The following SYNE1 variants were observed in gnomAD, a reference collection of about 807,000 sequenced individuals.
SYNE1 encodes the protein spectrin repeat containing nuclear envelope protein 1.
In SYNE1, 616 loss-of-function variants were observed where a neutral mutation model predicts 1,111.0. That is an observed-to-expected ratio of 0.55 (90% CI 0.52 to 0.59). The LOEUF (loss-of-function observed/expected upper bound fraction) is 0.59, where lower values mean the gene tolerates loss of function less well. Ranked by LOEUF, SYNE1 falls within the 20% of genes least tolerant of loss-of-function variation. SYNE1 has a pLI of 0.00. For missense variants in SYNE1, 10,006 were observed against 10,417.0 expected (o/e 0.96, Z 1.72); for synonymous variants, 3,855 against 3,825.8 (o/e 1.01, Z -0.28).
chr6:152,149,495 C>A lies in SYNE1; in HGVS notation c.24624G>T (p.Lys8208Asn). 1.2e-6 allele frequency: 2 copies of A among 1,614,162 alleles called. No individual in the cohort carries two copies. Among genetic ancestry groups the A allele is most frequent in the Non-Finnish European group, 1.7e-6 (2 of 1,180,038 alleles). The change falls in exon 136 of 146, where the codon AAG becomes AAT. Residue 8208 changes from lysine to asparagine, a missense_variant. This residue lies in a region of SYNE1 where 761 missense variants were observed against 795.5 expected (regional missense o/e 0.96). Coordinates refer to ENST00000367255, the MANE Select transcript of SYNE1 (RefSeq NM_182961.4). The part of the protein sequence containing the change: ...EVFGRVERYH[K>N]KLIRLPLPDD... Reference sequence around the variant, plus strand: ...TACATACAGGCAGGCGGATCAGTTTCTTATGGTATCTTTCCACACGCCCGA... The same window carrying A: ...TACATACAGGCAGGCGGATCAGTTTATTATGGTATCTTTCCACACGCCCGA...
rs9942542 is a variant in SYNE1 at position 152,391,167 on chromosome 6, C to T, written c.8004+110G>A. 432,780 of 1,536,516 alleles carry T rather than the reference C, an allele frequency of 0.28. 61,817 individuals are homozygous for T. The highest frequency in any genetic ancestry group is 0.31 in the Admixed American group (18,039 of 58,788). ...GCCCAATTTCTCCATTTTGCCCACA[C>T]AATCCTCATTTAGAGGCTTACAGAA... On this transcript the variant is annotated intron_variant, in intron 52 of 145. Transcript: ENST00000367255.
intron 4 of SYNE1, among the ~76,000 whole-genome samples, chr6:152,536,825 A>T (rs975927671): frequency 2.0e-5 from 3 of 152,044 alleles, no homozygotes; most frequent in East Asian, 1.9e-4. Flanking sequence ...ATTTTTCTCC[A>T]TTTAAGCTTA....
intron 11 of SYNE1, among the ~76,000 whole-genome samples, chr6:152,498,406 TA>T (rs1252343744): frequency 1.4e-4 from 21 of 152,246 alleles, no homozygotes; most frequent in Admixed American, 1.4e-3. Context: ...ATTTTGTTTT[TA>T]TTTTCTGTGT....
chr6:152,468,423 C>T (rs2098784325), intron 16 of SYNE1, among the ~76,000 whole-genome samples: 1 of 151,924 alleles, frequency 6.6e-6, no homozygotes, highest in African/African-American at 2.4e-5. Context: ...AATGGAAGCA[C>T]ATGTTTTGGT....
chr6:152,220,517 A>G (rs2079920167), intron 119 of SYNE1, among the ~76,000 whole-genome samples: 1 of 152,240 alleles, frequency 6.6e-6, no homozygotes, highest in South Asian at 2.1e-4. Flanking sequence ...TTTTAAAGAT[A>G]GAACACTATT....
intron 22 of SYNE1, among the ~76,000 whole-genome samples, chr6:152,457,313 C>A (rs934739800): frequency 6.6e-6 from 1 of 152,142 alleles, no homozygotes; most frequent in African/African-American, 2.4e-5. Flanking sequence ...ATCAAAGCTT[C>A]CTAATTTGCA....
intron 4 of SYNE1, among the ~76,000 whole-genome samples, chr6:152,534,213 T>C (rs1316911991): frequency 6.6e-6 from 1 of 151,638 alleles, no homozygotes; most frequent in Non-Finnish European, 1.5e-5. Context: ...AATAAATAAA[T>C]AAATAAAATA....
intron 14 of SYNE1, chr6:152,481,538 C>T (rs550349149): frequency 2.4e-5 from 11 of 453,048 alleles, no homozygotes; most frequent in African/African-American, 2.0e-4. Flanking sequence ...GCACATGTAC[C>T]CCCTGAATCT....
chr6:152,321,305 G>A lies in SYNE1; in HGVS notation c.16169C>T (p.Thr5390Ile), dbSNP rs748027288. 1.2e-6 allele frequency: 2 copies of A among 1,613,828 alleles called. No homozygotes were observed. Among genetic ancestry groups the A allele is most frequent in the South Asian group, 1.1e-5 (1 of 91,070 alleles). Residue 5390 changes from threonine to isoleucine, a missense_variant, in exon 84 of 146, where the codon ACC becomes ATC. By Grantham distance (89) the Thr-to-Ile change is moderately conservative. Around this residue, in one of 7 missense-constraint regions of SYNE1, gnomAD observed 4,955 missense variants for 5,017.2 expected, o/e 0.99. Coordinates refer to ENST00000367255, the MANE Select transcript of SYNE1 (RefSeq NM_182961.4). ...EQKEKYLGLY[T>I]ILPSELSLQL... ...AAGGGAGAGTTCAGAAGGTAATATG[G>A]TATAAAGACCTAAGTACTTCTCCTT...
At position 152,300,693 on chromosome 6, in the gene SYNE1, G is replaced by T; in HGVS notation, c.17630C>A (p.Pro5877His). 1 of 1,614,224 alleles carries T rather than the reference G, an allele frequency of 6.2e-7. No individual in the cohort carries two copies. Among genetic ancestry groups the T allele is most frequent in the African/African-American group, 1.3e-5 (1 of 75,058 alleles). ...EGTNSEISSP[P>H]ACRSPSPVAN... ...CACAGGTGAAGGGGAGCGACAGGCA[G>T]GTGGAGAGGAAATCTCACTGTTGGT... is the stretch of plus-strand genomic sequence containing the variant. Residue 5877 changes from proline to histidine, a missense_variant, in exon 93 of 146, where the codon CCT (proline) becomes CAT (histidine). By Grantham distance (77) the Pro-to-His change is moderately conservative. This residue lies in a region of SYNE1 where 4,955 missense variants were observed against 5,017.2 expected (regional missense o/e 0.99). Coordinates refer to ENST00000367255, the MANE Select transcript of SYNE1 (RefSeq NM_182961.4).
At chr6:152,167,709 G>T (rs747457748) in intron 130 of SYNE1, 1 of 522,496 alleles carries the variant, frequency 1.9e-6, no homozygotes, top group Non-Finnish European at 4.0e-6. Context: ...CTACAAAGCT[G>T]TGAACCAGCT....
chr6:152,484,788 T>C lies in SYNE1; in HGVS notation c.1185+47A>G, dbSNP rs1166767560. The C allele has an allele frequency of 8.1e-6, 13 of 1,601,118 alleles. 1 individual carries two copies. Among genetic ancestry groups the C allele is most frequent in the East Asian group, 2.2e-5 (1 of 44,674 alleles). ...AGAAATAGATGATGAAAAATATTCT[T>C]TTCTAAATTTATTAAGCTCAGTATA... On this transcript the variant is annotated intron_variant, in intron 13 of 145. Transcript: ENST00000367255.
intron 21 of SYNE1, among the ~76,000 whole-genome samples, chr6:152,459,928 CCTGAAGTATACACTCATCAAAA>C (rs1357445689): frequency 2.6e-5 from 4 of 152,114 alleles, no homozygotes; most frequent in African/African-American, 4.8e-5. Flanking sequence ...GGATATACTG[CCTGAAGTATACACTCATCAAAA>C]GAAAGTTACC....
At chr6:152,311,921 A>C (rs1589815164) in intron 87 of SYNE1, among the ~76,000 whole-genome samples, 1 of 152,008 alleles carries the variant, frequency 6.6e-6, no homozygotes, top group Non-Finnish European at 1.5e-5. Flanking sequence ...GACTACACGC[A>C]CCCAGGTGCC....
rs746570355 is a variant in SYNE1, at chr6:152,510,348, C to T, written c.426G>A (p.Leu142=). 13 of 1,613,790 alleles carry T rather than the reference C, an allele frequency of 8.1e-6. No individual in the cohort carries two copies. Among genetic ancestry groups the T allele is most frequent in the Non-Finnish European group, 1.1e-5 (13 of 1,179,948 alleles). ...YFQIEELTSN[L]PQLQSLSSSA... is the part of the protein sequence containing the mutation. The stretch of plus-strand genomic sequence containing the variant: ...TGCTGGACAAAGACTGGAGCTGGGG[C>T]AGGTTGCTGGTCAACTCTTCAATCT... Residue 142 remains leucine (L), a synonymous_variant, in exon 8 of 146, where the codon CTG becomes CTA. Coordinates refer to ENST00000367255, the MANE Select transcript of SYNE1 (RefSeq NM_182961.4).
At chr6:152,180,394 G>T (rs957141991) in intron 128 of SYNE1, 100 bp from the exon 129 acceptor site, 9 of 1,154,762 alleles carry the variant, frequency 7.8e-6, no homozygotes, top group Middle Eastern at 2.0e-4. Context: ...ATGAATGATA[G>T]TCATACATCT....
At chr6:152,132,423 G>T (rs936518929) in intron 143 of SYNE1, among the ~76,000 whole-genome samples, 5 of 152,152 alleles carry the variant, frequency 3.3e-5, no homozygotes, top group African/African-American at 1.2e-4. Context: ...CTGTCCGTTT[G>T]GCCGTTCTGG....
In SYNE1 at chr6:152,364,972, T is replaced by C. The variant is rs756088149; in HGVS notation, c.10020A>G (p.Ile3340Met). The change falls in exon 63 of 146, where the codon ATA becomes ATG. Residue 3340 changes from isoleucine to methionine, a missense_variant. Ile to Met is a conservative substitution (Grantham distance 10). Around this residue, in one of 7 missense-constraint regions of SYNE1, gnomAD observed 4,955 missense variants for 5,017.2 expected, o/e 0.99. Transcript: ENST00000367255. ...KQEKEIQMKMIVTRGESVLQN... is the reference protein window; with the variant it reads ...KQEKEIQMKMMVTRGESVLQN... ...GAAGGACAGATTCTCCCCTGGTCAC[T>C]ATCATTTTCATCTGAATCTCTTTTT... 93 of 1,614,246 alleles carry C rather than the reference T, an allele frequency of 5.8e-5. No individual in the cohort carries two copies. In the South Asian group the frequency reaches 7.9e-4, roughly 14 times the overall value.
At chr6:152,194,166 T>C (rs4870081) in intron 127 of SYNE1, among the ~76,000 whole-genome samples, 101,584 of 152,092 alleles carry the variant, frequency 0.67, 33,995 homozygotes, top group Admixed American at 0.72. Flanking sequence ...GAAGAACTCC[T>C]TTTAGTACTT....
Sources: allele counts gnomAD v4.1 joint callset (sites outside exome capture counted in the v4.1 genomes callset), GRCh38; gene constraint gnomAD v4.1.1; regional missense constraint gnomAD v4.1.1; transcripts MANE v1.5; gene names NCBI Gene and HGNC (gene_info 2026-07-23, HGNC 2026-07-21).